DRICH1: variants seen among roughly 807,000 people sequenced by gnomAD.
The protein encoded by DRICH1 is aspartate-rich protein 1.
Under a neutral mutation model 39.5 loss-of-function variants are expected in DRICH1, and 38 were observed. That is an observed-to-expected ratio of 0.96 (90% CI 0.74 to 1.26). The LOEUF (loss-of-function observed/expected upper bound fraction) is 1.26. Among genes scored for constraint, DRICH1 ranks in the 50% most tolerant of loss-of-function variants. The pLI, the probability that DRICH1 is intolerant of heterozygous loss-of-function variation, is 0.00. For missense variants in DRICH1, 279 were observed against 270.4 expected, an observed-to-expected ratio of 1.03 and a Z score of -0.22; for synonymous variants, 84 against 99.5, an observed-to-expected ratio of 0.84 and a Z score of 0.93.
At chr22:23,586,845 G>A in the DRICH1 span, among the ~76,000 whole-genome samples, 16 of 152,248 alleles carry the variant, frequency 1.1e-4, no homozygotes, top group African/African-American at 2.9e-4. Context: ...GCGTCCAGCC[G>A]AAATAAAACT....
chr22:23,594,234 G>A, the DRICH1 span, among the ~76,000 whole-genome samples: 1 of 152,040 alleles, frequency 6.6e-6, no homozygotes, highest in Non-Finnish European at 1.5e-5. Context: ...TCATCAAACT[G>A]GCAAGTGACA....
chr22:23,616,765 T>G, intron 8 of DRICH1, 88 bp downstream of exon 8: 1 of 1,542,518 alleles, frequency 6.5e-7, no homozygotes, highest in Non-Finnish European at 9.0e-7. Flanking sequence ...ACCCCCAATA[T>G]TTTTTAACAG....
the DRICH1 span, among the ~76,000 whole-genome samples, chr22:23,600,204 A>T: frequency 1.3e-5 from 2 of 152,284 alleles, no homozygotes; most frequent in Admixed American, 6.5e-5. Context: ...CCAGGGCAGC[A>T]ATTGAAAGGG....
downstream of DRICH1, among the ~76,000 whole-genome samples, chr22:23,605,802 G>A (rs1013687382): frequency 5.3e-5 from 8 of 152,086 alleles, no homozygotes; most frequent in Non-Finnish European, 1.2e-4. Flanking sequence ...CCGGGCACAG[G>A]TTAATTATGG....
intron 1 of DRICH1, among the ~76,000 whole-genome samples, chr22:23,627,792 C>G (rs1473791093): frequency 1.3e-5 from 2 of 152,116 alleles, no homozygotes; most frequent in African/African-American, 2.4e-5. Context: ...ACTGGGGCAG[C>G]CTCCAGGATT....
the DRICH1 span, chr22:23,581,086 C>CT: frequency 6.6e-6 from 1 of 152,216 alleles, no homozygotes; most frequent in Non-Finnish European, 1.5e-5. Flanking sequence ...ATCTCACATA[C>CT]TTATGCTTTT....
the DRICH1 span, among the ~76,000 whole-genome samples, chr22:23,592,477 G>A: frequency 1.3e-5 from 2 of 152,148 alleles, no homozygotes; most frequent in African/African-American, 4.8e-5. Flanking sequence ...ACAGGAAGTA[G>A]GGAGAGAGCT....
chr22:23,596,661 A>G, the DRICH1 span, among the ~76,000 whole-genome samples: 1 of 152,132 alleles, frequency 6.6e-6, no homozygotes, highest in East Asian at 1.9e-4. Context: ...GTGTGTTTAA[A>G]TTTTTATATA....
At chr22:23,623,403 C>CAAAAAACAAAAAA (rs1927884425) in intron 3 of DRICH1, among the ~76,000 whole-genome samples, 1 of 151,188 alleles carries the variant, frequency 6.6e-6, no homozygotes. Context: ...GACTCCATCT[C>CAAAAAACAAAAAA]AAAAAACAAA....
At chr22:23,585,680 G>A in the DRICH1 span, among the ~76,000 whole-genome samples, 5 of 152,070 alleles carry the variant, frequency 3.3e-5, no homozygotes, top group African/African-American at 1.2e-4. Flanking sequence ...ACCACACCCA[G>A]CTACTTTCTC....
At chr22:23,631,328 A>G (rs1424935091) in intron 1 of DRICH1, among the ~76,000 whole-genome samples, 3 of 151,904 alleles carry the variant, frequency 2.0e-5, no homozygotes, top group Non-Finnish European at 4.4e-5. Flanking sequence ...ATGCTAGAGA[A>G]TCGCTTGAAC....
At chr22:23,584,981 C>T in the DRICH1 span, among the ~76,000 whole-genome samples, 2 of 152,182 alleles carry the variant, frequency 1.3e-5, no homozygotes, top group African/African-American at 4.8e-5. Context: ...CTGTATCCTA[C>T]AAATTTTTAT....
chr22:23,628,454 C>T (rs906905690), intron 1 of DRICH1, among the ~76,000 whole-genome samples: 1 of 150,558 alleles, frequency 6.6e-6, no homozygotes, highest in African/African-American at 2.5e-5. Context: ...GTAATTCCAG[C>T]TACTCAGCAG....
chr22:23,623,491 T>C (rs1927890778), intron 3 of DRICH1, among the ~76,000 whole-genome samples: 1 of 152,176 alleles, frequency 6.6e-6, no homozygotes, highest in African/African-American at 2.4e-5. Context: ...AACATAAAGA[T>C]TCTAGAAAGT....
the DRICH1 span, among the ~76,000 whole-genome samples, chr22:23,594,495 G>A: frequency 6.6e-6 from 1 of 152,318 alleles, no homozygotes; most frequent in African/African-American, 2.4e-5. Flanking sequence ...GCTTGAACCT[G>A]GGAGACAGAG....
At chr22:23,584,930 T>C in the DRICH1 span, among the ~76,000 whole-genome samples, 17 of 152,164 alleles carry the variant, frequency 1.1e-4, no homozygotes, top group Non-Finnish European at 2.4e-4. Context: ...CCCAAAGGGC[T>C]GGGATTTAAG....
Position 23,614,122 on chromosome 22 carries a change from A to C in DRICH1, c.621+13T>G. ...CAACATTGCTGTAGAAGACAAAAAA[A>C]GGGAGGTCTTACGTGGATGTCATCA... is the stretch of plus-strand genomic sequence containing the variant. On this transcript the variant is annotated intron_variant, in intron 9 of 11. Coordinates refer to ENST00000317749, the MANE Select transcript of DRICH1 (RefSeq NM_016449.4). The C allele has an allele frequency of 6.3e-7, 1 of 1,581,214 alleles. No homozygotes were observed. Among genetic ancestry groups the C allele is most frequent in the African/African-American group, 1.3e-5 (1 of 74,302 alleles).
the DRICH1 span, among the ~76,000 whole-genome samples, chr22:23,594,394 C>A: frequency 6.6e-6 from 1 of 152,184 alleles, no homozygotes; most frequent in African/African-American, 2.4e-5. Flanking sequence ...CACGGCAAAA[C>A]CCCATCTCTA....
the DRICH1 span, among the ~76,000 whole-genome samples, chr22:23,582,843 G>A: frequency 1.3e-5 from 2 of 151,382 alleles, no homozygotes; most frequent in Non-Finnish European, 2.9e-5. Context: ...TTACAGGCGT[G>A]AGCCATCGTG....
Sources: gnomAD v4.1 joint callset for allele counts (sites outside exome capture counted in the v4.1 genomes callset) on GRCh38, gnomAD v4.1.1 for gene constraint, MANE v1.5 for transcripts, NCBI Gene and HGNC (gene_info 2026-07-23, HGNC 2026-07-21) for gene names.